Variants in UTRN observed in about 807,000 individuals in gnomAD.
UTRN encodes the protein dystrophin-related protein 1.
UTRN carries 283 observed loss-of-function variants against 463.9 expected under a neutral mutation model. That is an observed-to-expected ratio of 0.61 (90% CI 0.55 to 0.67). UTRN has a LOEUF of 0.67. UTRN is among the 30% of genes least tolerant of loss of function. UTRN has a pLI of 0.00. For synonymous variants in UTRN, 1,442 were observed against 1,431.5 expected (o/e 1.01, Z -0.17); for missense variants, 3,922 against 4,084.3 (o/e 0.96, Z 1.08).
chr6:144,422,082 G>C, intron 4 of UTRN, 112 bp downstream of exon 4: 1 of 813,676 alleles, frequency 1.2e-6, no homozygotes, highest in East Asian at 3.1e-5. Flanking sequence ...ACGTTCAAAT[G>C]TAAAGGCTGA....
At chr6:144,342,161 G>A (rs1179275121) in intron 2 of UTRN, among the ~76,000 whole-genome samples, 1 of 152,160 alleles carries the variant, frequency 6.6e-6, no homozygotes, top group African/African-American at 2.4e-5. Flanking sequence ...CAGCAGGATG[G>A]CAATAATAAA....
At chr6:144,460,660 C>T (rs546511074) in intron 21 of UTRN, among the ~76,000 whole-genome samples, 46 of 152,348 alleles carry the variant, frequency 3.0e-4, no homozygotes, top group Non-Finnish European at 3.4e-4. Context: ...TTCCTTTCCA[C>T]GCAAGTGTTA....
intron 17 of UTRN, among the ~76,000 whole-genome samples, chr6:144,449,279 C>G (rs527864112): frequency 6.6e-6 from 1 of 152,134 alleles, no homozygotes; most frequent in Non-Finnish European, 1.5e-5. Context: ...CCCCAATAAT[C>G]GAGGGCCTTA....
chr6:144,667,432 T>C (rs1780540779), intron 51 of UTRN, among the ~76,000 whole-genome samples: 1 of 152,160 alleles, frequency 6.6e-6, no homozygotes, highest in Non-Finnish European at 1.5e-5. Context: ...TAGTTTGAAG[T>C]TGTCTTGTGA....
chr6:144,313,229 C>A (rs1291441669), intron 2 of UTRN, among the ~76,000 whole-genome samples: 1 of 151,954 alleles, frequency 6.6e-6, no homozygotes, highest in Non-Finnish European at 1.5e-5. Context: ...TTCCTGATTT[C>A]TTTTCACATC....
chr6:144,462,877 AGGCCACTG>A lies in UTRN; in HGVS notation c.3066+14_3066+21del. ...CTCAGAGCTTTTGAGGTAAATCCAG[AGGCCACTG>A]GGAGTTTAAGTTTATTACGGGGTAA... On this transcript the variant is annotated intron_variant, in intron 23 of 74. Coordinates refer to ENST00000367545, the MANE Select transcript of UTRN (RefSeq NM_007124.3). The A allele has an allele frequency of 6.3e-7, 1 of 1,593,444 alleles. No individual in the cohort carries two copies. Among genetic ancestry groups the A allele is most frequent in the Non-Finnish European group, 8.5e-7 (1 of 1,173,190 alleles).
intron 2 of UTRN, among the ~76,000 whole-genome samples, chr6:144,328,145 T>C (rs948541754): frequency 3.3e-5 from 5 of 151,842 alleles, no homozygotes; most frequent in Admixed American, 2.0e-4. Flanking sequence ...AGGGCCTTGA[T>C]GGTTCAAGGA....
intron 10 of UTRN, 57 bp downstream of exon 10, chr6:144,436,195 C>T: frequency 1.3e-6 from 2 of 1,516,096 alleles, no homozygotes; most frequent in Non-Finnish European, 1.8e-6. Context: ...GAGCCTTAAT[C>T]AGGGACTCTA....
At chr6:144,450,760 A>T (rs1188338713) in intron 17 of UTRN, among the ~76,000 whole-genome samples, 1 of 152,200 alleles carries the variant, frequency 6.6e-6, no homozygotes, top group Admixed American at 6.5e-5. Context: ...GGTTTTTATT[A>T]TCTATAAGCA....
chr6:144,387,995 A>G (rs1470495884), intron 2 of UTRN, among the ~76,000 whole-genome samples: 1 of 152,228 alleles, frequency 6.6e-6, no homozygotes, highest in Non-Finnish European at 1.5e-5. Flanking sequence ...ACTTGTCCTC[A>G]TTAAAGTGGA....
At chr6:144,681,048 G>A (rs1451133022) in intron 52 of UTRN, among the ~76,000 whole-genome samples, 1 of 152,168 alleles carries the variant, frequency 6.6e-6, no homozygotes, top group Non-Finnish European at 1.5e-5. Flanking sequence ...TACGGAGGAT[G>A]CCTCGGATGA....
At chr6:144,321,724 C>A (rs994307432) in intron 2 of UTRN, among the ~76,000 whole-genome samples, 1 of 151,290 alleles carries the variant, frequency 6.6e-6, no homozygotes, top group Non-Finnish European at 1.5e-5. Context: ...CCCACCTCGG[C>A]CTCCCAAAGT....
chr6:144,777,192 C>T (rs1775402381), intron 60 of UTRN, among the ~76,000 whole-genome samples: 2 of 151,986 alleles, frequency 1.3e-5, no homozygotes, highest in Non-Finnish European at 2.9e-5. Flanking sequence ...TAGCAGTACT[C>T]CAGAAGATGT....
rs1457888424 is a variant in UTRN, at chr6:144,488,742, G to A, written c.4042G>A (p.Val1348Ile). 6 of 1,613,556 alleles carry A rather than the reference G, an allele frequency of 3.7e-6. No homozygotes were observed. Among genetic ancestry groups the A allele is most frequent in the Non-Finnish European group, 4.2e-6 (5 of 1,179,722 alleles). The stretch of plus-strand genomic sequence containing the variant: ...GCGGGAAACTGACCAGATGCTTCAA[G>A]TCTTGCAAGAGAGCTTGGGGGAGCT... ...VLRETDQMLQVLQESLGELDK... is the reference protein window; with the variant it reads ...VLRETDQMLQILQESLGELDK... The change falls in exon 30 of 75, where the codon GTC becomes ATC. Residue 1348 changes from valine to isoleucine, a missense_variant. Physicochemically the swap from Val to Ile is conservative, Grantham distance 29 (BLOSUM62 3). This residue lies in a region of UTRN where 2,349 missense variants were observed against 2,303.8 expected (regional missense o/e 1.02). Coordinates refer to ENST00000367545, the MANE Select transcript of UTRN (RefSeq NM_007124.3).
intron 41 of UTRN, among the ~76,000 whole-genome samples, chr6:144,529,390 C>A (rs997127456): frequency 1.3e-5 from 2 of 152,204 alleles, no homozygotes; most frequent in African/African-American, 4.8e-5. Context: ...GTTCTTGGAA[C>A]AAAAGTCCAC....
chr6:144,509,646 G>A (rs1795010011), intron 34 of UTRN, among the ~76,000 whole-genome samples: 1 of 151,972 alleles, frequency 6.6e-6, no homozygotes, highest in Admixed American at 6.6e-5. Flanking sequence ...CAGATTTAAG[G>A]AACATGCAGA....
chr6:144,576,384 C>T (rs1310675022), intron 50 of UTRN, among the ~76,000 whole-genome samples: 1 of 152,092 alleles, frequency 6.6e-6, no homozygotes, highest in Admixed American at 6.5e-5. Flanking sequence ...TCTCTTAACT[C>T]ATATAACTCC....
chr6:144,339,465 G>C (rs1474628), intron 2 of UTRN, among the ~76,000 whole-genome samples: 9,873 of 152,044 alleles, frequency 0.065, 1,027 homozygotes, highest in African/African-American at 0.22. Context: ...TATGTGAATT[G>C]TCTGGTTTTC....
chr6:144,317,616 C>G (rs531398391), intron 2 of UTRN, among the ~76,000 whole-genome samples: 2 of 152,110 alleles, frequency 1.3e-5, no homozygotes, highest in East Asian at 1.9e-4. Flanking sequence ...AGGTTGGTCT[C>G]GAACTCCTGA....
Sources: allele counts gnomAD v4.1 joint callset (sites outside exome capture counted in the v4.1 genomes callset), GRCh38; gene constraint gnomAD v4.1.1; regional missense constraint gnomAD v4.1.1; transcripts MANE v1.5; gene names NCBI Gene and HGNC (gene_info 2026-07-23, HGNC 2026-07-21).